Variants in XKR6 observed in about 807,000 individuals in gnomAD.
XKR6 encodes XK related 6.
Under a neutral mutation model 56.7 loss-of-function variants are expected in XKR6, and 22 were observed. That is an observed-to-expected ratio of 0.39 (90% CI 0.28 to 0.55). The LOEUF (loss-of-function observed/expected upper bound fraction) is 0.55, where lower values mean the gene tolerates loss of function less well. Among genes scored for constraint, XKR6 ranks in the 20% least tolerant of loss-of-function variants. The pLI is 0.66. For synonymous variants in XKR6, 524 were observed against 387.8 expected, an observed-to-expected ratio of 1.35 and a Z score of -4.13; for missense variants, 852 against 889.0, an observed-to-expected ratio of 0.96 and a Z score of 0.53.
chr8:10,976,346 A>G (rs1802557414), intron 1 of XKR6, among the ~76,000 whole-genome samples: 1 of 152,098 alleles, frequency 6.6e-6, no homozygotes, highest in Admixed American at 6.5e-5. Context: ...ATCTGACCCC[A>G]TGTCATGGTG....
chr8:11,012,280 G>C (rs887377647), intron 1 of XKR6, among the ~76,000 whole-genome samples: 1 of 152,200 alleles, frequency 6.6e-6, no homozygotes, highest in African/African-American at 2.4e-5. Flanking sequence ...CAGCTGCTAG[G>C]GAACTGCTAT....
At chr8:10,960,511 G>A (rs1410313166) in intron 1 of XKR6, among the ~76,000 whole-genome samples, 3 of 152,186 alleles carry the variant, frequency 2.0e-5, no homozygotes, top group Admixed American at 1.3e-4. Context: ...GCCTCCACAA[G>A]AAAGGAAGAA....
intron 1 of XKR6, among the ~76,000 whole-genome samples, chr8:11,021,874 T>G (rs1166520515): frequency 6.6e-6 from 1 of 152,036 alleles, no homozygotes; most frequent in Non-Finnish European, 1.5e-5. Context: ...GAACTTAGCC[T>G]TGTTCCATAT....
intron 1 of XKR6, among the ~76,000 whole-genome samples, chr8:10,980,824 T>G (rs867648952): frequency 2.0e-5 from 3 of 152,158 alleles, no homozygotes; most frequent in African/African-American, 7.2e-5. Context: ...GTTGCATGGA[T>G]CATGAATAAT....
intron 1 of XKR6, chr8:11,108,436 T>C (rs1372013619): frequency 2.3e-6 from 1 of 431,128 alleles, no homozygotes; most frequent in South Asian, 1.7e-5. Flanking sequence ...ATCTTCATAA[T>C]TGTTAGAAAT....
intron 1 of XKR6, among the ~76,000 whole-genome samples, chr8:11,004,276 AG>A (rs1342595995): frequency 6.6e-6 from 1 of 152,198 alleles, no homozygotes; most frequent in Non-Finnish European, 1.5e-5. Context: ...GTTCGAGACC[AG>A]CCTGACAAAC....
In XKR6 at chr8:10,999,553, T is replaced by C. The variant is rs150384132; in HGVS notation, c.765-74723A>G. Among the ~76,000 whole-genome samples the C allele has an allele frequency of 4.4e-3, 667 of 152,318 alleles. 3 individuals are homozygous for C. The highest frequency in any genetic ancestry group is 0.015 in the African/African-American group (625 of 41,564). On this transcript the variant is annotated intron_variant, in intron 1 of 2. Transcript: ENST00000416569. ...TAAATCACTGATCACCAGATTCTAG[T>C]TTCAGAAAAGAAGGGTTTGGTCAAT...
At chr8:10,931,806 G>A (rs1371511374) in intron 1 of XKR6, among the ~76,000 whole-genome samples, 1 of 150,404 alleles carries the variant, frequency 6.6e-6, no homozygotes, top group Non-Finnish European at 1.5e-5. Flanking sequence ...GTTCTTAAAT[G>A]ACAGCAAAGG....
intron 1 of XKR6, among the ~76,000 whole-genome samples, chr8:10,958,887 G>A (rs1291286552): frequency 1.3e-5 from 2 of 152,204 alleles, no homozygotes; most frequent in Non-Finnish European, 2.9e-5. Flanking sequence ...AGCTCTGAGG[G>A]AGCAGCAGCA....
chr8:11,126,455 T>G (rs1799804051), intron 1 of XKR6, among the ~76,000 whole-genome samples: 1 of 152,204 alleles, frequency 6.6e-6, no homozygotes, highest in Non-Finnish European at 1.5e-5. Context: ...ACTCAGTTCT[T>G]GAATTTTTTT....
intron 1 of XKR6, among the ~76,000 whole-genome samples, chr8:11,062,218 T>G (rs1282900739): frequency 2.0e-5 from 3 of 151,754 alleles, no homozygotes; most frequent in Non-Finnish European, 4.4e-5. Context: ...CTGGGGGAAG[T>G]GGACCACAGA....
chr8:11,144,762 G>C (rs1359727513), intron 1 of XKR6, among the ~76,000 whole-genome samples: 4 of 151,808 alleles, frequency 2.6e-5, no homozygotes, highest in East Asian at 3.9e-4. Context: ...CTTCCATTTT[G>C]ACTCCGTAAG....
At chr8:11,045,368 G>A (rs923258138) in intron 1 of XKR6, among the ~76,000 whole-genome samples, 5 of 152,022 alleles carry the variant, frequency 3.3e-5, no homozygotes, top group African/African-American at 7.2e-5. Context: ...GATTATAGGT[G>A]TGAGCCACTG....
At chr8:11,131,037 G>A (rs939711351) in intron 1 of XKR6, among the ~76,000 whole-genome samples, 9 of 152,130 alleles carry the variant, frequency 5.9e-5, no homozygotes, top group Admixed American at 3.3e-4. Context: ...TGAGGACCCT[G>A]TTTTAGAGAT....
chr8:10,954,866 C>CCTTG (rs1554515116), intron 1 of XKR6, among the ~76,000 whole-genome samples: 1 of 92,794 alleles, frequency 1.1e-5, no homozygotes, highest in African/African-American at 4.3e-5. Flanking sequence ...ACTTCATTCT[C>CCTTG]TTTTTTTTTT....
intron 1 of XKR6, among the ~76,000 whole-genome samples, chr8:11,183,145 G>C (rs1803085220): frequency 6.6e-6 from 1 of 152,076 alleles, no homozygotes; most frequent in Non-Finnish European, 1.5e-5. Flanking sequence ...TCCACTTTTG[G>C]TTACTGTGAA....
At chr8:11,132,767 G>A (rs866085445) in intron 1 of XKR6, among the ~76,000 whole-genome samples, 12 of 138,262 alleles carry the variant, frequency 8.7e-5, no homozygotes, top group Non-Finnish European at 1.5e-4. Context: ...ACACACGCAC[G>A]CACACACACA....
chr8:11,160,559 G>A (rs1038262980), intron 1 of XKR6, among the ~76,000 whole-genome samples: 4 of 152,262 alleles, frequency 2.6e-5, no homozygotes, highest in East Asian at 1.9e-4. Flanking sequence ...CAGATAAAGC[G>A]AGGAAAGGCA....
At chr8:11,132,002 T>A (rs1049469443) in intron 1 of XKR6, among the ~76,000 whole-genome samples, 4 of 152,150 alleles carry the variant, frequency 2.6e-5, no homozygotes, top group African/African-American at 9.7e-5. Context: ...CCCCTAGTGC[T>A]GCTGGCCCGA....
Sources: allele counts gnomAD v4.1 joint callset (sites outside exome capture counted in the v4.1 genomes callset), GRCh38; gene constraint gnomAD v4.1.1; transcripts MANE v1.5; gene names NCBI Gene and HGNC (gene_info 2026-07-23, HGNC 2026-07-21).